Variants in BTBD9 observed in about 807,000 individuals in gnomAD.
BTBD9 encodes BTB/POZ domain-containing protein 9.
In BTBD9, 49 loss-of-function variants were observed where a neutral mutation model predicts 64.3. The ratio of observed to expected loss-of-function variants is 0.76; its 90% CI spans 0.61 to 0.97. The LOEUF is 0.97. Ranked by LOEUF, BTBD9 falls within the 50% of genes least tolerant of loss-of-function variation. The pLI is 0.00. For synonymous variants in BTBD9, 260 were observed against 274.7 expected (o/e 0.95, Z 0.53); for missense variants, 598 against 762.1 (o/e 0.78, Z 2.53).
At position 38,408,406 on chromosome 6, in the gene BTBD9, T is replaced by C. The variant is rs1767266795; in HGVS notation, c.1155-63313A>G. ...AGTTCTCATATTCTCTTACTTCCTT[T>C]GCCTACTATTCTAATGCTTAAAGGT... is the stretch of plus-strand genomic sequence containing the variant. On this transcript the variant is annotated intron_variant, in intron 6 of 10. Coordinates refer to ENST00000481247, the MANE Select transcript of BTBD9 (RefSeq NM_001099272.2). Among the ~76,000 whole-genome samples the C allele has an allele frequency of 2.0e-5, 3 of 152,144 alleles. 1 individual carries two copies. The South Asian group carries it at 6.2e-4, about 32-fold the overall frequency.
intron 9 of BTBD9, among the ~76,000 whole-genome samples, chr6:38,220,546 T>C (rs931642054): frequency 5.3e-5 from 8 of 152,258 alleles, no homozygotes; most frequent in African/African-American, 1.9e-4. Context: ...CAATGTATGA[T>C]TCATTTTAGA....
At chr6:38,527,263 C>CAAAAAAAAAAAA (rs55979438) in intron 6 of BTBD9, among the ~76,000 whole-genome samples, 8 of 53,338 alleles carry the variant, frequency 1.5e-4, no homozygotes, top group African/African-American at 4.4e-4. Context: ...GACTCTGTCT[C>CAAAAAAAAAAAA]AAAAAAAAAA....
intron 7 of BTBD9, among the ~76,000 whole-genome samples, chr6:38,304,654 C>T (rs1374024218): frequency 6.6e-6 from 1 of 152,096 alleles, no homozygotes; most frequent in South Asian, 2.1e-4. Flanking sequence ...ATGGCCCAGA[C>T]TCCTGGGCTC....
chr6:38,332,914 G>A (rs762699715), intron 7 of BTBD9, among the ~76,000 whole-genome samples: 9 of 152,168 alleles, frequency 5.9e-5, no homozygotes, highest in Non-Finnish European at 1.2e-4. Flanking sequence ...GTTTGTGGGA[G>A]AAACAATTTA....
chr6:38,179,954 G>A (rs1761473653), intron 10 of BTBD9: 5 of 404,178 alleles, frequency 1.2e-5, no homozygotes, highest in Admixed American at 2.6e-5. Context: ...CTGGGCCTTG[G>A]CACCTCACTC....
chr6:38,374,152 C>T (rs916985146), intron 6 of BTBD9, among the ~76,000 whole-genome samples: 4 of 149,786 alleles, frequency 2.7e-5, no homozygotes, highest in African/African-American at 7.4e-5. Context: ...GCTTGTAATC[C>T]CAGTTACTTG....
At chr6:38,183,629 G>A (rs1761679766) in intron 10 of BTBD9, among the ~76,000 whole-genome samples, 1 of 152,200 alleles carries the variant, frequency 6.6e-6, no homozygotes. Flanking sequence ...ATTATCTGCA[G>A]GTATAATCCT....
intron 7 of BTBD9, among the ~76,000 whole-genome samples, chr6:38,332,536 A>G (rs967256316): frequency 6.6e-6 from 1 of 152,164 alleles, no homozygotes; most frequent in Non-Finnish European, 1.5e-5. Context: ...ATGCCACATT[A>G]CTATGCAGCA....
At chr6:38,266,881 C>T (rs1357919767) in intron 8 of BTBD9, among the ~76,000 whole-genome samples, 2 of 152,176 alleles carry the variant, frequency 1.3e-5, no homozygotes, top group Non-Finnish European at 2.9e-5. Context: ...AAGGTGAAGT[C>T]ACAATATGTT....
chr6:38,567,606 T>C (rs1582645326), intron 6 of BTBD9, among the ~76,000 whole-genome samples: 1 of 152,186 alleles, frequency 6.6e-6, no homozygotes, highest in Non-Finnish European at 1.5e-5. Context: ...ATTTTCATAC[T>C]GGGAGATGAA....
chr6:38,598,434 A>T (rs1175371497), intron 1 of BTBD9, among the ~76,000 whole-genome samples: 1 of 152,196 alleles, frequency 6.6e-6, no homozygotes, highest in Non-Finnish European at 1.5e-5. Flanking sequence ...ACCTTAGGAA[A>T]AGAAAAATCA....
intron 6 of BTBD9, among the ~76,000 whole-genome samples, chr6:38,428,918 C>T (rs867858901): frequency 6.6e-6 from 1 of 151,244 alleles, no homozygotes; most frequent in Non-Finnish European, 1.5e-5. Flanking sequence ...ACCGTGTTAG[C>T]CAGTATGGTC....
At chr6:38,424,922 T>G (rs1314025584) in intron 6 of BTBD9, among the ~76,000 whole-genome samples, 13 of 151,362 alleles carry the variant, frequency 8.6e-5, no homozygotes, top group Admixed American at 6.6e-4. Context: ...TACTGCAACC[T>G]CCGCCACCCA....
chr6:38,288,068 T>C lies in BTBD9; in HGVS notation c.1454+204A>G, dbSNP rs553453532. Among the ~76,000 whole-genome samples the C allele has an allele frequency of 4.1e-4, 62 of 152,316 alleles. 1 individual carries two copies. Among genetic ancestry groups the C allele is most frequent in the Non-Finnish European group, 2.9e-5 (2 of 68,028 alleles). ...AGTTCCTCCATGAGTCTAACTTCAG[T>C]GTACTGCCCCAGTGGAAAATCCAAA... On this transcript the variant is annotated intron_variant, in intron 8 of 10. Coordinates refer to ENST00000481247, the MANE Select transcript of BTBD9 (RefSeq NM_001099272.2).
chr6:38,327,855 A>G (rs1009902443), intron 7 of BTBD9, among the ~76,000 whole-genome samples: 4 of 152,174 alleles, frequency 2.6e-5, no homozygotes, highest in African/African-American at 9.7e-5. Context: ...TGGTTTATTC[A>G]GTAGAATCAT....
At chr6:38,322,896 G>C (rs1032877004) in intron 7 of BTBD9, among the ~76,000 whole-genome samples, 1 of 152,092 alleles carries the variant, frequency 6.6e-6, no homozygotes, top group Non-Finnish European at 1.5e-5. Flanking sequence ...GTTACTGTCT[G>C]ATAAATAATC....
At chr6:38,423,673 T>C (rs1300958308) in intron 6 of BTBD9, among the ~76,000 whole-genome samples, 2 of 152,182 alleles carry the variant, frequency 1.3e-5, no homozygotes, top group East Asian at 3.8e-4. Flanking sequence ...TTATTATAAG[T>C]AAATCTTTCA....
At chr6:38,317,098 T>G (rs1763056665) in intron 7 of BTBD9, among the ~76,000 whole-genome samples, 1 of 151,850 alleles carries the variant, frequency 6.6e-6, no homozygotes, top group Non-Finnish European at 1.5e-5. Context: ...TGGATTCAAG[T>G]GATTCTCCTG....
intron 9 of BTBD9, among the ~76,000 whole-genome samples, chr6:38,233,641 T>C (rs985465384): frequency 1.6e-4 from 24 of 152,202 alleles, no homozygotes; most frequent in Non-Finnish European, 3.4e-4. Context: ...TTTTGGCAGG[T>C]AGAGTTTAAC....
Sources: gnomAD v4.1 joint callset for allele counts (sites outside exome capture counted in the v4.1 genomes callset) on GRCh38, gnomAD v4.1.1 for gene constraint, MANE v1.5 for transcripts, NCBI Gene and HGNC (gene_info 2026-07-23, HGNC 2026-07-21) for gene names.